The following PRIM2 variants were observed in gnomAD, a reference collection of about 807,000 sequenced individuals.
The protein encoded by PRIM2 is DNA primase subunit 2, also known as DNA primase large subunit.
PRIM2 carries 39 observed loss-of-function variants against 67.3 expected under a neutral mutation model. The ratio of observed to expected loss-of-function variants is 0.58; its 90% confidence interval spans 0.45 to 0.76. The LOEUF (loss-of-function observed/expected upper bound fraction) is 0.76. Ranked by LOEUF, PRIM2 falls within the 30% of genes least tolerant of loss-of-function variation. The pLI is 0.00. For missense variants in PRIM2, 398 were observed against 598.7 expected (o/e 0.66, Z 3.50); for synonymous variants, 143 against 198.7 (o/e 0.72, Z 2.36).
At chr6:57,592,848 A>G (rs1446066433) in intron 10 of PRIM2, among the ~76,000 whole-genome samples, 3 of 152,068 alleles carry the variant, frequency 2.0e-5, no homozygotes, top group African/African-American at 7.2e-5. Context: ...TGTAGGAAAG[A>G]CTTTATTCTA....
At chr6:57,369,309 C>A (rs1769468057) in intron 5 of PRIM2, among the ~76,000 whole-genome samples, 1 of 152,160 alleles carries the variant, frequency 6.6e-6, no homozygotes. Context: ...AGACACACAG[C>A]CAAAATCCTT....
intron 13 of PRIM2, among the ~76,000 whole-genome samples, chr6:57,633,418 T>C (rs1246562235): frequency 2.6e-5 from 4 of 152,234 alleles, no homozygotes; most frequent in African/African-American, 9.6e-5. Context: ...GCTACCATGC[T>C]AAAGTTTTAC....
At chr6:57,498,917 C>A (rs1302642330) in intron 7 of PRIM2, among the ~76,000 whole-genome samples, 2 of 152,176 alleles carry the variant, frequency 1.3e-5, no homozygotes, top group Non-Finnish European at 2.9e-5. Flanking sequence ...CCTTCATGCT[C>A]ATCATTTGAA....
intron 7 of PRIM2, among the ~76,000 whole-genome samples, chr6:57,499,174 A>C (rs1257761534): frequency 6.6e-6 from 1 of 152,232 alleles, no homozygotes; most frequent in Non-Finnish European, 1.5e-5. Context: ...ATTGCTTAAA[A>C]TCAATGTTAC....
At chr6:57,297,468 T>C in the PRIM2 span, among the ~76,000 whole-genome samples, 1 of 151,970 alleles carries the variant, frequency 6.6e-6, no homozygotes, top group African/African-American at 2.4e-5. Flanking sequence ...AATAGAAAAA[T>C]ATCATTTGGC....
intron 12 of PRIM2, among the ~76,000 whole-genome samples, chr6:57,619,756 G>A (rs1223763524): frequency 6.6e-6 from 1 of 152,188 alleles, no homozygotes; most frequent in African/African-American, 2.4e-5. Flanking sequence ...AAGCCTCTAA[G>A]AAGTTTGGGA....
At chr6:57,573,968 A>G (rs1299743738) in intron 10 of PRIM2, among the ~76,000 whole-genome samples, 2 of 151,870 alleles carry the variant, frequency 1.3e-5, no homozygotes, top group Non-Finnish European at 2.9e-5. Flanking sequence ...CTATAAAATG[A>G]TAACTGTAGT....
At chr6:57,279,992 G>A in the PRIM2 span, among the ~76,000 whole-genome samples, 1 of 152,110 alleles carries the variant, frequency 6.6e-6, no homozygotes, top group Admixed American at 6.6e-5. Flanking sequence ...TAATGAGAAG[G>A]GAAGAGGACA....
At chr6:57,579,869 G>T (rs1776049079) in intron 10 of PRIM2, among the ~76,000 whole-genome samples, 1 of 151,970 alleles carries the variant, frequency 6.6e-6, no homozygotes, top group Non-Finnish European at 1.5e-5. Flanking sequence ...TATACAAAAT[G>T]CAGTACAAGG....
chr6:57,579,148 T>TAATTTTTC (rs1776027813), intron 10 of PRIM2, among the ~76,000 whole-genome samples: 1 of 143,992 alleles, frequency 6.9e-6, no homozygotes, highest in Admixed American at 7.4e-5. Context: ...TTTCTAATTC[T>TAATTTTTC]TGATACAGTT....
chr6:57,410,331 CAA>C (rs66631802), intron 7 of PRIM2, among the ~76,000 whole-genome samples: 7,691 of 105,310 alleles, frequency 0.073, 700 homozygotes, highest in African/African-American at 0.24. Context: ...AACGCCATCT[CAA>C]AAAAAAAAAA....
the PRIM2 span, among the ~76,000 whole-genome samples, chr6:57,306,653 G>T: frequency 6.6e-6 from 1 of 152,066 alleles, no homozygotes; most frequent in African/African-American, 2.4e-5. Flanking sequence ...TCAGCAGTCC[G>T]CGTCCTGAAA....
intron 7 of PRIM2, among the ~76,000 whole-genome samples, chr6:57,462,552 G>T (rs1175541281): frequency 3.3e-5 from 5 of 152,152 alleles, no homozygotes; most frequent in Non-Finnish European, 7.4e-5. Flanking sequence ...TTGGTCAGGG[G>T]TTATGTAGGT....
intron 7 of PRIM2, among the ~76,000 whole-genome samples, chr6:57,459,964 G>C (rs62399155): frequency 6.6e-6 from 1 of 152,170 alleles, no homozygotes; most frequent in African/African-American, 2.4e-5. Flanking sequence ...AGAAGAGGGT[G>C]TGAGGGGCAC....
intron 12 of PRIM2, among the ~76,000 whole-genome samples, chr6:57,615,262 T>A (rs1776734406): frequency 6.6e-6 from 1 of 150,980 alleles, no homozygotes; most frequent in Non-Finnish European, 1.5e-5. Context: ...TACAAAAAAA[T>A]ACAAAAATTA....
intron 7 of PRIM2, among the ~76,000 whole-genome samples, chr6:57,405,414 C>T (rs1202396006): frequency 6.8e-6 from 1 of 147,148 alleles, no homozygotes; most frequent in Non-Finnish European, 1.5e-5. Context: ...TCAAAATTTT[C>T]TGATTCATCA....
At chr6:57,335,460 C>T (rs1768202464) in intron 5 of PRIM2, among the ~76,000 whole-genome samples, 1 of 152,180 alleles carries the variant, frequency 6.6e-6, no homozygotes, top group African/African-American at 2.4e-5. Context: ...TTAAACGTCC[C>T]TGTCTGACAG....
intron 7 of PRIM2, among the ~76,000 whole-genome samples, chr6:57,435,391 C>G (rs80219155): frequency 0.097 from 14,700 of 152,118 alleles, 787 homozygotes; most frequent in African/African-American, 0.13. Context: ...GCTGTTCTCT[C>G]CCTGAGACTC....
chr6:57,525,716 G>T (rs1307277764), intron 8 of PRIM2, among the ~76,000 whole-genome samples: 4 of 152,178 alleles, frequency 2.6e-5, no homozygotes, highest in Admixed American at 2.6e-4. Context: ...TGCACACATT[G>T]CCTACCTTCT....
Sources: gnomAD v4.1 joint callset for allele counts (sites outside exome capture counted in the v4.1 genomes callset) on GRCh38, gnomAD v4.1.1 for gene constraint, MANE v1.5 for transcripts, NCBI Gene and HGNC (gene_info 2026-07-23, HGNC 2026-07-21) for gene names.